Variants in IGSF6 observed in about 807,000 individuals in gnomAD.
IGSF6 encodes the protein down-regulated by activation (immunoglobulin superfamily).
A neutral mutation model predicts 24.7 loss-of-function variants in IGSF6; 23 were observed. The observed-to-expected ratio is 0.93, with a 90% CI of 0.67 to 1.32. IGSF6 has a LOEUF of 1.32. Ranked by LOEUF, IGSF6 falls within the 40% of genes most tolerant of loss-of-function variation. The pLI is 0.00. For synonymous variants in IGSF6, 110 were observed against 113.7 expected, an observed-to-expected ratio of 0.97 and a Z score of 0.21; for missense variants, 295 against 293.6, an observed-to-expected ratio of 1.00 and a Z score of -0.04.
intron 1 of IGSF6, 127 bp from the exon 2 acceptor site, chr16:21,647,619 A>G (rs1228261298): frequency 7.3e-6 from 9 of 1,236,044 alleles, no homozygotes; most frequent in African/African-American, 3.0e-5. Context: ...TATAAATAAG[A>G]CTAAAAATAA....
chr16:21,652,356 A>C, intron 1 of IGSF6, 176 bp downstream of exon 1: 2 of 489,444 alleles, frequency 4.1e-6, no homozygotes, highest in Non-Finnish European at 7.2e-6. Flanking sequence ...ACTTTTTCTC[A>C]GCTATTTTTT....
Position 21,639,959 on chromosome 16 carries a change from G to C in IGSF6, c.*1575C>G, listed in dbSNP as rs1039439884. The stretch of plus-strand genomic sequence containing the variant: ...TTTATTTATTTATTTATTTATTTTT[G>C]AGACAGTCTTGCTCTGTCACCTAGG... On this transcript the variant is annotated 3_prime_UTR_variant, in exon 6 of 6. Coordinates refer to ENST00000268389, the MANE Select transcript of IGSF6 (RefSeq NM_005849.4). 1.4e-5 allele frequency: 2 copies of C among 140,128 alleles called. No homozygotes were observed. The highest frequency in any genetic ancestry group is 5.0e-5 in the African/African-American group (2 of 39,894). 8.7% of individuals were successfully genotyped at this position (140,128 alleles called of 1,614,324 possible). A position where few individuals can be genotyped will look rare whatever the true frequency, so the allele number is the denominator to read the frequency against.
intron 1 of IGSF6, among the ~76,000 whole-genome samples, chr16:21,648,009 T>C (rs1966474294): frequency 1.3e-5 from 2 of 152,196 alleles, no homozygotes. Context: ...CAGGAATTCA[T>C]GGCCATTCAC....
chr16:21,647,508 G>C lies in IGSF6; in HGVS notation c.68-16C>G. ...CCCACAGCACCTGTGGGAGGAAGCA[G>C]ATGAGTGGGTTAATGGGCCTGCCAC... On this transcript the variant is annotated splice_polypyrimidine_tract_variant and intron_variant, in intron 1 of 5. Coordinates refer to ENST00000268389, the MANE Select transcript of IGSF6 (RefSeq NM_005849.4). 6.3e-7 allele frequency: 1 copy of C among 1,598,174 alleles called. No individual in the cohort carries two copies. Among genetic ancestry groups the C allele is most frequent in the Non-Finnish European group, 8.6e-7 (1 of 1,168,642 alleles).
chr16:21,644,540 A>G (rs547834724), intron 2 of IGSF6, 144 bp from the exon 3 acceptor site: 1 of 601,080 alleles, frequency 1.7e-6, no homozygotes, highest in East Asian at 2.8e-5. Flanking sequence ...CTAGACCTCA[A>G]AAGGTACTCA....
At chr16:21,643,435 A>T (rs1966330512) in intron 4 of IGSF6, 113 bp downstream of exon 4, 1 of 702,590 alleles carries the variant, frequency 1.4e-6, no homozygotes, top group African/African-American at 1.8e-5. Flanking sequence ...AGTTACCTTG[A>T]TATTCTGTTT....
At chr16:21,643,807 A>G (rs2290613) in intron 3 of IGSF6, among the ~76,000 whole-genome samples, 8,996 of 151,866 alleles carry the variant, frequency 0.059, 547 homozygotes, top group East Asian at 0.3. Flanking sequence ...TAGTAATCCT[A>G]ACACAATGGT....
At chr16:21,652,044 C>T (rs1966589344) in intron 1 of IGSF6, 1 of 152,054 alleles carries the variant, frequency 6.6e-6, no homozygotes, top group South Asian at 2.1e-4. Flanking sequence ...TATTGGAAAT[C>T]CTTTCTCTTT....
rs939420941 is a variant in IGSF6 at position 21,644,874 on chromosome 16, A to C, written c.428-478T>G. 2.0e-5 allele frequency among the ~76,000 whole-genome samples: 3 copies of C among 152,336 alleles called. No homozygotes were observed. The South Asian group carries it at 6.2e-4, about 32-fold the overall frequency. On this transcript the variant is annotated intron_variant, in intron 2 of 5. Coordinates refer to ENST00000268389, the MANE Select transcript of IGSF6 (RefSeq NM_005849.4). ...ATAGCTGAAGAGTCCCATCTGTGAA[A>C]GAACCTGGGAAGGCCATACATTGAG...
At chr16:21,643,748 T>C in intron 3 of IGSF6, 150 bp from the exon 4 acceptor site, 1 of 594,732 alleles carries the variant, frequency 1.7e-6, no homozygotes, top group South Asian at 2.3e-5. Context: ...GAGATGCTTT[T>C]ACTCCATTAA....
Position 21,644,351 on chromosome 16 carries a change from A to G in IGSF6, c.473T>C (p.Leu158Pro). ...CACATAGACAGAGAGCAGTGATACAAGAGCTGTCAGGAAGCTCCGCAGTTC... is the reference window on the plus strand; with the variant it reads ...CACATAGACAGAGAGCAGTGATACAGGAGCTGTCAGGAAGCTCCGCAGTTC... ...SKELRSFLTA[L>P]VSLLSVYVTG... Residue 158 changes from leucine to proline, a missense_variant, in exon 3 of 6, where the codon CTT becomes CCT. Coordinates refer to ENST00000268389, the MANE Select transcript of IGSF6 (RefSeq NM_005849.4). The G allele has an allele frequency of 1.2e-6, 2 of 1,614,086 alleles. No homozygotes were observed. The highest frequency in any genetic ancestry group is 2.2e-5 in the South Asian group (2 of 91,086).
rs1417091577 is a variant in IGSF6, at chr16:21,652,590, A to C, written c.9T>G (p.Thr3=). ...GGCGAGCGATGTTGCTTCTGCTCGC[A>C]GTCCCCATTTCTGTGTATGCCGGGG... MG[T]ASRSNIARHL... Residue 3 remains threonine (T), a synonymous_variant, in exon 1 of 6, where the codon ACT becomes ACG. Transcript: ENST00000268389. 6.2e-7 allele frequency: 1 copy of C among 1,610,432 alleles called. No homozygotes were observed. Among genetic ancestry groups the C allele is most frequent in the Non-Finnish European group, 8.5e-7 (1 of 1,178,294 alleles).
At chr16:21,648,123 TACTG>T (rs1010843578) in intron 1 of IGSF6, among the ~76,000 whole-genome samples, 3 of 152,200 alleles carry the variant, frequency 2.0e-5, no homozygotes, top group African/African-American at 7.2e-5. Flanking sequence ...TGTCTTTGAT[TACTG>T]AGCAGGGACC....
At chr16:21,648,946 G>A (rs977431281) in intron 1 of IGSF6, among the ~76,000 whole-genome samples, 2 of 152,054 alleles carry the variant, frequency 1.3e-5, no homozygotes, top group Admixed American at 1.3e-4. Flanking sequence ...TAGAATCATG[G>A]CGTTTGTGAT....
chr16:21,640,827 T>C lies in IGSF6; in HGVS notation c.*707A>G, dbSNP rs967908516. ...ATTACAAACGTGCTTGTAAAGTAGA[T>C]GTGTTGCCCACATCTTCCCTGGTGC... On this transcript the variant is annotated 3_prime_UTR_variant, in exon 6 of 6. Transcript: ENST00000268389. 6 of 151,160 alleles carry C rather than the reference T, an allele frequency of 4.0e-5. No individual in the cohort carries two copies. In the East Asian group the frequency reaches 9.7e-4, roughly 25 times the overall value. 9.4% of individuals were successfully genotyped at this position (151,160 alleles called of 1,614,324 possible).
In IGSF6 at chr16:21,641,300, T is replaced by A. The variant is rs1966260564; in HGVS notation, c.*234A>T. 1 of 338,008 alleles carries A rather than the reference T, an allele frequency of 3.0e-6. No homozygotes were observed. Among genetic ancestry groups the A allele is most frequent in the African/African-American group, 2.1e-5 (1 of 46,600 alleles). The allele number at this position is 338,008 out of a possible 1,614,324, so 20.9% of individuals were successfully genotyped here. On this transcript the variant is annotated 3_prime_UTR_variant, in exon 6 of 6. Transcript: ENST00000268389. ...CTCAGGATACAAGTTTAAAATAGAA[T>A]TTTTTTTCTTGGCAAATTTGGAAGG... is the stretch of plus-strand genomic sequence containing the variant.
In IGSF6 at chr16:21,650,424, C is replaced by T. The variant is rs374806364; in HGVS notation, c.67+2108G>A. 6.7e-5 allele frequency among the ~76,000 whole-genome samples: 10 copies of T among 148,406 alleles called. No individual in the cohort carries two copies. The South Asian group carries it at 1.1e-3, about 16-fold the overall frequency. On this transcript the variant is annotated intron_variant, in intron 1 of 5. Transcript: ENST00000268389. ...TTGGGAGGCTGAAGCAGGAGAATCG[C>T]TTGAACGTAGGAGGTGGAGGTTGCA... is the stretch of plus-strand genomic sequence containing the variant.
rs572964105 is a variant in IGSF6 at position 21,648,716 on chromosome 16, G to C, written c.68-1224C>G. 1.7e-3 allele frequency among the ~76,000 whole-genome samples: 254 copies of C among 152,328 alleles called. 3 individuals are homozygous for C. Among genetic ancestry groups the C allele is most frequent in the Non-Finnish European group, 2.7e-3 (184 of 68,020 alleles). ...GGCAGGGGAGGCCATAGGTAAAATA[G>C]TATTGGTTGAGACAAATTGGAATTT... is the stretch of plus-strand genomic sequence containing the variant. On this transcript the variant is annotated intron_variant, in intron 1 of 5. Transcript: ENST00000268389.
chr16:21,644,681 G>A (rs1480131873), intron 2 of IGSF6, among the ~76,000 whole-genome samples: 1 of 152,162 alleles, frequency 6.6e-6, no homozygotes. Context: ...TTTAGATAAA[G>A]GATTATTTGA....
Sources: gnomAD v4.1 joint callset for allele counts (sites outside exome capture counted in the v4.1 genomes callset) on GRCh38, gnomAD v4.1.1 for gene constraint, MANE v1.5 for transcripts, NCBI Gene and HGNC (gene_info 2026-07-23, HGNC 2026-07-21) for gene names.